JMJD1C: variants seen among roughly 807,000 people sequenced by gnomAD.
The protein encoded by JMJD1C is jumonji domain-containing protein 1C.
A neutral mutation model predicts 245.3 loss-of-function variants in JMJD1C; 31 were observed. That is an observed-to-expected ratio of 0.13 (90% CI 0.09 to 0.17). JMJD1C has a LOEUF of 0.17. JMJD1C is among the 10% of genes least tolerant of loss of function. The probability of loss-of-function intolerance (pLI) is 1.00; values close to 1 mark genes in which losing one functional copy is unlikely to be tolerated. For synonymous variants in JMJD1C, 1,057 were observed against 1,017.4 expected, an observed-to-expected ratio of 1.04 and a Z score of -0.74; for missense variants, 2,691 against 3,000.2, an observed-to-expected ratio of 0.90 and a Z score of 2.41.
intron 1 of JMJD1C, among the ~76,000 whole-genome samples, chr10:63,463,245 G>A (rs1263487673): frequency 3.3e-5 from 5 of 152,062 alleles, no homozygotes; most frequent in Non-Finnish European, 7.4e-5. Context: ...GCTCACTGCA[G>A]TCTCAACCTC....
chr10:63,440,288 C>T (rs1420089263), intron 1 of JMJD1C, among the ~76,000 whole-genome samples: 1 of 150,370 alleles, frequency 6.7e-6, no homozygotes, highest in African/African-American at 2.4e-5. Flanking sequence ...TGAGCCAAGA[C>T]TGCACCACTG....
intron 1 of JMJD1C, among the ~76,000 whole-genome samples, chr10:63,480,914 C>T (rs1953812338): frequency 6.6e-6 from 1 of 152,166 alleles, no homozygotes. Flanking sequence ...AAATGGTAAG[C>T]ATTTTCATCG....
intron 1 of JMJD1C, among the ~76,000 whole-genome samples, chr10:63,423,568 T>C (rs1445478633): frequency 6.6e-6 from 1 of 152,212 alleles, no homozygotes; most frequent in Non-Finnish European, 1.5e-5. Flanking sequence ...TGCTGGACAT[T>C]TGGGTTATTT....
chr10:63,421,429 G>A (rs1950120043), intron 1 of JMJD1C, among the ~76,000 whole-genome samples: 1 of 152,210 alleles, frequency 6.6e-6, no homozygotes, highest in Non-Finnish European at 1.5e-5. Context: ...GGTAGAAGAA[G>A]AGATTTGTGA....
chr10:63,495,010 G>A (rs1238984338), intron 1 of JMJD1C, among the ~76,000 whole-genome samples: 4 of 152,026 alleles, frequency 2.6e-5, no homozygotes, highest in Non-Finnish European at 2.9e-5. Context: ...AAACAATTTA[G>A]TATTTATAAT....
At chr10:63,452,494 T>C (rs1370505156) in intron 1 of JMJD1C, among the ~76,000 whole-genome samples, 2 of 152,166 alleles carry the variant, frequency 1.3e-5, no homozygotes, top group Admixed American at 1.3e-4. Context: ...TGAGAACATA[T>C]AATGGTGCAG....
At chr10:63,183,601 A>C (rs372703563) in intron 21 of JMJD1C, 32 bp from the exon 22 acceptor site, 4 of 1,258,344 alleles carry the variant, frequency 3.2e-6, no homozygotes, top group Non-Finnish European at 4.4e-6. Context: ...ACTTGACAAA[A>C]TATTTATATA....
intron 2 of JMJD1C, among the ~76,000 whole-genome samples, chr10:63,375,497 A>T (rs1257020257): frequency 6.6e-6 from 1 of 151,822 alleles, no homozygotes; most frequent in East Asian, 1.9e-4. Flanking sequence ...AAGTAAAAAG[A>T]CACCCCTGTT....
rs35442695 is a variant in JMJD1C, at chr10:63,277,731, C to CTTTTTTTTTTTT, written c.334-12979_334-12968dup. ...TATTCATTGAGAGTAATTTGCATTT[C>CTTTTTTTTTTTT]TTTTTTTTTTTTTTTTTTTTTTTTG... On this transcript the variant is annotated intron_variant, in intron 2 of 25. Coordinates refer to ENST00000399262, the MANE Select transcript of JMJD1C (RefSeq NM_032776.3). Among the ~76,000 whole-genome samples, 495 of 64,272 alleles carry CTTTTTTTTTTTT rather than the reference C, an allele frequency of 7.7e-3. 70 individuals carry two copies. The highest frequency in any genetic ancestry group is 0.015 in the African/African-American group (206 of 14,166). The allele number at this position is 64,272 out of a possible 152,430, so 42.2% of individuals were successfully genotyped here.
chr10:63,292,101 G>A (rs941689966), intron 2 of JMJD1C, among the ~76,000 whole-genome samples: 4 of 122,054 alleles, frequency 3.3e-5, no homozygotes, highest in Non-Finnish European at 6.8e-5. Context: ...ATAGGCACAC[G>A]CCACCATATC....
intron 13 of JMJD1C, among the ~76,000 whole-genome samples, chr10:63,196,432 T>G (rs1589120721): frequency 6.6e-6 from 1 of 152,332 alleles, no homozygotes; most frequent in South Asian, 2.1e-4. Context: ...TTACTCATAT[T>G]AACATATTTA....
intron 22 of JMJD1C, 70 bp from the exon 23 acceptor site, chr10:63,177,926 T>C: frequency 6.5e-7 from 1 of 1,528,004 alleles, no homozygotes; most frequent in South Asian, 1.2e-5. Flanking sequence ...CTAAAGTTGA[T>C]CTATCAGAGC....
At chr10:63,305,637 T>C (rs992905059) in intron 2 of JMJD1C, among the ~76,000 whole-genome samples, 5 of 77,360 alleles carry the variant, frequency 6.5e-5, no homozygotes, top group Non-Finnish European at 4.7e-5. Flanking sequence ...GGCGTGTGTG[T>C]GTGTGTGTGT....
intron 2 of JMJD1C, among the ~76,000 whole-genome samples, chr10:63,358,334 T>C (rs1480580280): frequency 6.6e-6 from 1 of 151,854 alleles, no homozygotes; most frequent in Non-Finnish European, 1.5e-5. Flanking sequence ...TTCTAGTAAA[T>C]GGCAACTAAT....
intron 1 of JMJD1C, among the ~76,000 whole-genome samples, chr10:63,434,584 T>C (rs1388750928): frequency 2.0e-5 from 3 of 151,850 alleles, no homozygotes; most frequent in East Asian, 1.9e-4. Flanking sequence ...GAGATAAAGA[T>C]TGACCAACCT....
chr10:63,233,438 A>C (rs1274580689), intron 3 of JMJD1C, among the ~76,000 whole-genome samples: 1 of 152,090 alleles, frequency 6.6e-6, no homozygotes, highest in African/African-American at 2.4e-5. Flanking sequence ...AACAACACCC[A>C]AAAAAACAAA....
At chr10:63,461,130 T>TG (rs1345535432) in intron 1 of JMJD1C, among the ~76,000 whole-genome samples, 1 of 152,194 alleles carries the variant, frequency 6.6e-6, no homozygotes, top group Non-Finnish European at 1.5e-5. Flanking sequence ...GTCCCACCAT[T>TG]GGGGCAATTT....
intron 21 of JMJD1C, 103 bp downstream of exon 21, chr10:63,184,505 G>C: frequency 1.0e-6 from 1 of 971,130 alleles, no homozygotes; most frequent in Non-Finnish European, 1.5e-6. Context: ...GCCTCCCAAA[G>C]AGTGCTGGGA....
chr10:63,235,293 C>G (rs922402125), intron 3 of JMJD1C, among the ~76,000 whole-genome samples: 3 of 152,126 alleles, frequency 2.0e-5, no homozygotes, highest in Admixed American at 2.0e-4. Context: ...GTCACGAGTT[C>G]GAGACCAGCC....
Sources: gnomAD v4.1 joint callset for allele counts (sites outside exome capture counted in the v4.1 genomes callset) on GRCh38, gnomAD v4.1.1 for gene constraint, MANE v1.5 for transcripts, NCBI Gene and HGNC (gene_info 2026-07-23, HGNC 2026-07-21) for gene names.